HMCN1: variants seen among roughly 807,000 people sequenced by gnomAD.
HMCN1 encodes the protein hemicentin-1.
A neutral mutation model predicts 625.9 loss-of-function variants in HMCN1; 321 were observed. The ratio of observed to expected loss-of-function variants is 0.51; its 90% CI spans 0.47 to 0.56. HMCN1 has a LOEUF of 0.56. Among genes scored for constraint, HMCN1 ranks in the 20% least tolerant of loss-of-function variants. The pLI, the probability that HMCN1 is intolerant of heterozygous loss-of-function variation, is 0.00. For missense variants in HMCN1, 6,588 were observed against 6,887.3 expected, an observed-to-expected ratio of 0.96 and a Z score of 1.54; for synonymous variants, 2,425 against 2,417.6, an observed-to-expected ratio of 1.00 and a Z score of -0.09.
intron 33 of HMCN1, among the ~76,000 whole-genome samples, chr1:186,017,809 T>C (rs768178806): frequency 1.8e-4 from 27 of 152,014 alleles, no homozygotes; most frequent in Non-Finnish European, 3.2e-4. Context: ...ACATAGTGGG[T>C]GTATACATTT....
At chr1:185,857,953 G>A (rs529383686) in intron 2 of HMCN1, among the ~76,000 whole-genome samples, 2 of 152,266 alleles carry the variant, frequency 1.3e-5, no homozygotes, top group Admixed American at 6.5e-5. Context: ...ATTATACAGT[G>A]TCTCTGAAAG....
At chr1:186,165,570 C>A (rs1040235434) in intron 98 of HMCN1, among the ~76,000 whole-genome samples, 2 of 152,298 alleles carry the variant, frequency 1.3e-5, no homozygotes, top group African/African-American at 4.8e-5. Flanking sequence ...AGAGGACAGG[C>A]AGGATTGTGG....
At chr1:185,805,913 A>G (rs1659143677) in intron 1 of HMCN1, among the ~76,000 whole-genome samples, 1 of 152,136 alleles carries the variant, frequency 6.6e-6, no homozygotes, top group African/African-American at 2.4e-5. Flanking sequence ...TGGTTAGGGC[A>G]TGGTTCATTT....
intron 11 of HMCN1, among the ~76,000 whole-genome samples, chr1:185,961,288 C>T (rs1405092416): frequency 6.6e-6 from 1 of 152,168 alleles, no homozygotes; most frequent in Non-Finnish European, 1.5e-5. Context: ...AATTTGCAGA[C>T]TAACTTACAG....
In HMCN1 at chr1:185,735,019, CTT is replaced by C. The variant is rs1653460693; in HGVS notation, c.242_243del (p.Phe81CysfsTer7). 1 of 1,614,018 alleles carries C rather than the reference CTT, an allele frequency of 6.2e-7. No individual in the cohort carries two copies. Among genetic ancestry groups the C allele is most frequent in the Non-Finnish European group, 8.5e-7 (1 of 1,180,022 alleles). On this transcript the variant is annotated frameshift_variant, in exon 1 of 107. Coordinates refer to ENST00000271588, the MANE Select transcript of HMCN1 (RefSeq NM_031935.3). LOFTEE classifies it high-confidence loss of function. ...LKRPKRPLFN[F>X]ALVPFHDPEI... ...AAAGACCTAAAAGACCTCTTTTCAA[CTT>C]TGCGTTGGTGCCTTTCCATGATCCA...
At chr1:186,134,301 A>G (rs1351051391) in intron 86 of HMCN1, among the ~76,000 whole-genome samples, 1 of 152,164 alleles carries the variant, frequency 6.6e-6, no homozygotes, top group East Asian at 1.9e-4. Flanking sequence ...TGGTATCTAA[A>G]TTAAGGTTCT....
chr1:186,011,390 G>A (rs1303883469), intron 30 of HMCN1, among the ~76,000 whole-genome samples: 3 of 152,124 alleles, frequency 2.0e-5, no homozygotes, highest in Admixed American at 2.0e-4. Context: ...CTTTGAAAAT[G>A]TTTCTTCATA....
At chr1:186,076,761 C>T (rs897459923) in intron 54 of HMCN1, 139 bp downstream of exon 54, 5 of 784,268 alleles carry the variant, frequency 6.4e-6, no homozygotes, top group Non-Finnish European at 1.1e-5. Flanking sequence ...CCACTGGCAT[C>T]CACGTAGCTT....
chr1:185,873,752 C>T (rs1460500331), intron 4 of HMCN1, among the ~76,000 whole-genome samples: 1 of 152,040 alleles, frequency 6.6e-6, no homozygotes, highest in Non-Finnish European at 1.5e-5. Context: ...GAATTGCCTG[C>T]TGCCCTTACA....
chr1:186,152,585 A>C (rs1319481244), intron 95 of HMCN1, among the ~76,000 whole-genome samples, 165 bp from the exon 96 acceptor site: 3 of 152,232 alleles, frequency 2.0e-5, no homozygotes, highest in African/African-American at 7.2e-5. Context: ...CAATAAACCT[A>C]ACTCTTTAAT....
chr1:185,930,907 T>TAC (rs3030426), intron 10 of HMCN1, among the ~76,000 whole-genome samples: 10,236 of 138,912 alleles, frequency 0.074, 470 homozygotes, highest in African/African-American at 0.12. Context: ...TTTCACCCAA[T>TAC]ACACACACAC....
Position 185,738,651 on chromosome 1 carries a change from GC to G in HMCN1, c.268+3605del, listed in dbSNP as rs1653761553. ...AACTGCCAAGCTGTTTTCCAAAGCAGCTGTACCATTTTATATTCCCACCAGC... is the reference window on the plus strand; with the variant it reads ...AACTGCCAAGCTGTTTTCCAAAGCAGTGTACCATTTTATATTCCCACCAGC... On this transcript the variant is annotated intron_variant, in intron 1 of 106. Coordinates refer to ENST00000271588, the MANE Select transcript of HMCN1 (RefSeq NM_031935.3). 2.0e-5 allele frequency among the ~76,000 whole-genome samples: 3 copies of G among 152,148 alleles called. No individual in the cohort carries two copies. The South Asian group carries it at 6.2e-4, about 32-fold the overall frequency.
intron 1 of HMCN1, among the ~76,000 whole-genome samples, chr1:185,746,366 G>A (rs1476993115): frequency 1.3e-5 from 2 of 152,178 alleles, no homozygotes; most frequent in Non-Finnish European, 2.9e-5. Flanking sequence ...ATCACAAAAT[G>A]TGTGACTTAA....
chr1:185,932,290 A>G (rs1234200300), intron 10 of HMCN1, among the ~76,000 whole-genome samples: 4 of 152,200 alleles, frequency 2.6e-5, no homozygotes. Context: ...ATAACAAAAT[A>G]TGGAAAACAC....
chr1:185,905,499 A>T (rs977186554), intron 4 of HMCN1, among the ~76,000 whole-genome samples: 1 of 151,814 alleles, frequency 6.6e-6, no homozygotes, highest in Non-Finnish European at 1.5e-5. Flanking sequence ...TCTTGCCAGG[A>T]AGACAAAGGA....
Position 186,130,541 on chromosome 1 carries a change from C to A in HMCN1, c.13074C>A (p.Asn4358Lys), listed in dbSNP as rs759957447. The A allele has an allele frequency of 1.6e-5, 26 of 1,613,528 alleles. No individual in the cohort carries two copies. The highest frequency in any genetic ancestry group is 2.1e-5 in the Non-Finnish European group (25 of 1,179,602). ...TCTTCAAAGGTGATTATCCTTCTAA[C>A]TGGATTGAACCACTTGGTGGGAATG... ...PPVFKGDYPSNWIEPLGGNAI... is the reference protein window; with the variant it reads ...PPVFKGDYPSKWIEPLGGNAI... The change falls in exon 85 of 107, where the codon AAC becomes AAA. Residue 4358 changes from asparagine (N) to lysine (K), a missense_variant. By Grantham distance (94) the Asn-to-Lys change is moderately conservative. Around this residue, in one of 3 missense-constraint regions of HMCN1, gnomAD observed 1,954 missense variants for 2,013.1 expected, o/e 0.97. Coordinates refer to ENST00000271588, the MANE Select transcript of HMCN1 (RefSeq NM_031935.3).
chr1:185,989,116 T>C (rs891408024), intron 20 of HMCN1, among the ~76,000 whole-genome samples: 1 of 150,328 alleles, frequency 6.7e-6, no homozygotes, highest in Non-Finnish European at 1.5e-5. Context: ...CACGCCATTC[T>C]CCTGCCTCAG....
chr1:186,108,021 A>G (rs1660696448), intron 70 of HMCN1, among the ~76,000 whole-genome samples: 1 of 140,114 alleles, frequency 7.1e-6, no homozygotes, highest in Non-Finnish European at 1.5e-5. Flanking sequence ...AAATTAATTG[A>G]CACGTAAATT....
Position 185,962,679 on chromosome 1 carries a change from T to C in HMCN1, c.1970+20T>C, listed in dbSNP as rs777898050. 1 of 1,464,724 alleles carries C rather than the reference T, an allele frequency of 6.8e-7. No homozygotes were observed. Among genetic ancestry groups the C allele is most frequent in the South Asian group, 1.1e-5 (1 of 88,040 alleles). 90.7% of individuals were successfully genotyped at this position (1,464,724 alleles called of 1,614,324 possible). On this transcript the variant is annotated intron_variant, in intron 12 of 106. Transcript: ENST00000271588. ...ACACAGGTACTGGGTTTGTATCATG[T>C]TTTTGTTTTTATTGAGTGAGAAAAA...
Sources: allele counts gnomAD v4.1 joint callset (sites outside exome capture counted in the v4.1 genomes callset), GRCh38; gene constraint gnomAD v4.1.1; regional missense constraint gnomAD v4.1.1; transcripts MANE v1.5; gene names NCBI Gene and HGNC (gene_info 2026-07-23, HGNC 2026-07-21).